LRRC74A: variants seen among roughly 807,000 people sequenced by gnomAD.
LRRC74A encodes leucine rich repeat containing 74A.
A neutral mutation model predicts 57.9 loss-of-function variants in LRRC74A; 44 were observed. The ratio of observed to expected loss-of-function variants is 0.76; its 90% CI spans 0.60 to 0.98. The LOEUF is 0.98. LRRC74A is among the 50% of genes least tolerant of loss of function. LRRC74A has a pLI of 0.00. For synonymous variants in LRRC74A, 211 were observed against 219.4 expected (o/e 0.96, Z 0.34); for missense variants, 572 against 574.0 (o/e 1.00, Z 0.04).
At chr14:76,849,512 C>T (rs766739075) in intron 7 of LRRC74A, among the ~76,000 whole-genome samples, 21 of 151,860 alleles carry the variant, frequency 1.4e-4, no homozygotes, top group African/African-American at 3.9e-4. Context: ...TTTAAAAACA[C>T]TTACTATTGC....
At chr14:76,864,039 C>T (rs1184261454) in intron 11 of LRRC74A, among the ~76,000 whole-genome samples, 1 of 152,228 alleles carries the variant, frequency 6.6e-6, no homozygotes, top group East Asian at 1.9e-4. Flanking sequence ...TCGCTTTCAG[C>T]TTTCCAGGCT....
At chr14:76,838,504 A>G (rs1044343145) in intron 5 of LRRC74A, among the ~76,000 whole-genome samples, 2 of 152,202 alleles carry the variant, frequency 1.3e-5, no homozygotes, top group African/African-American at 4.8e-5. Flanking sequence ...AGACAAAGAC[A>G]TAGAGAATAT....
intron 7 of LRRC74A, among the ~76,000 whole-genome samples, chr14:76,847,955 C>T (rs1299690026): frequency 1.3e-5 from 2 of 152,058 alleles, no homozygotes; most frequent in Non-Finnish European, 1.5e-5. Context: ...GGGTGGATCA[C>T]CTGAGGTCAG....
intron 9 of LRRC74A, 41 bp from the exon 10 acceptor site, chr14:76,857,339 T>G: frequency 7.4e-7 from 1 of 1,343,984 alleles, no homozygotes; most frequent in Non-Finnish European, 1.0e-6. Flanking sequence ...CAGCCTCTCC[T>G]CCCATCTCAG....
chr14:76,864,646 A>C (rs1425222445), intron 11 of LRRC74A, among the ~76,000 whole-genome samples: 1 of 152,092 alleles, frequency 6.6e-6, no homozygotes, highest in Non-Finnish European at 1.5e-5. Flanking sequence ...TTGAGGTCAG[A>C]AGTTCAAGAC....
chr14:76,852,570 T>C, intron 8 of LRRC74A, 120 bp downstream of exon 8: 1 of 611,690 alleles, frequency 1.6e-6, no homozygotes, highest in Non-Finnish European at 2.7e-6. Context: ...TGGGCTCTCA[T>C]CAAATACTTT....
intron 13 of LRRC74A, among the ~76,000 whole-genome samples, chr14:76,869,553 C>T (rs1396622645): frequency 2.0e-5 from 3 of 152,048 alleles, no homozygotes; most frequent in Admixed American, 6.6e-5. Flanking sequence ...GAGTTCAAGA[C>T]CAGCCTGGCC....
At chr14:76,831,507 G>A (rs1895971324) in intron 3 of LRRC74A, 132 bp downstream of exon 3, 1 of 966,522 alleles carries the variant, frequency 1.0e-6, no homozygotes, top group Admixed American at 2.6e-5. Context: ...ACACTGCCCT[G>A]GGCTCTGCTT....
At chr14:76,852,344 C>T (rs1221144861) in intron 7 of LRRC74A, 21 bp from the exon 8 acceptor site, 4 of 1,578,952 alleles carry the variant, frequency 2.5e-6, no homozygotes, top group East Asian at 2.2e-5. Context: ...AGATGCTAAG[C>T]CGATTCCCTC....
Position 76,853,152 on chromosome 14 carries a change from C to T in LRRC74A, c.763-64C>T, listed in dbSNP as rs1271076076. On this transcript the variant is annotated intron_variant, in intron 8 of 13. Coordinates refer to ENST00000689127, the MANE Select transcript of LRRC74A (RefSeq NM_001385106.1). ...TGCCAACAGGGGGTAGAAATCGGGA[C>T]CCTTTTGGTTGGATGAGTCACGCGT... 23 of 1,468,502 alleles carry T rather than the reference C, an allele frequency of 1.6e-5. No homozygotes were observed. In the East Asian group the frequency reaches 4.3e-4, roughly 28 times the overall value. The allele number at this position is 1,468,502 out of a possible 1,614,324, so 91.0% of individuals were successfully genotyped here.
chr14:76,853,090 C>T, intron 8 of LRRC74A, 126 bp from the exon 9 acceptor site: 1 of 789,326 alleles, frequency 1.3e-6, no homozygotes, highest in Non-Finnish European at 2.1e-6. Context: ...TCTGGCAGAC[C>T]CATCAGTCCT....
rs1157758416 is a variant in LRRC74A at position 76,870,138 on chromosome 14, A to G, written c.1405A>G (p.Met469Val). ...CTTTCGTACCAGTTTCTTGAACACG[A>G]TGAAGCCATAGCAACAAGTCTGGTC... ...GMVNFSFLNT[M>V]KP The change falls in exon 14 of 14, where the codon ATG (methionine) becomes GTG (valine). Residue 469 changes from methionine (M) to valine (V), a missense_variant. By Grantham distance (21) the Met-to-Val change is conservative. Coordinates refer to ENST00000689127, the MANE Select transcript of LRRC74A (RefSeq NM_001385106.1). 2 of 1,611,736 alleles carry G rather than the reference A, an allele frequency of 1.2e-6. No individual in the cohort carries two copies. The highest frequency in any genetic ancestry group is 2.2e-5 in the South Asian group (2 of 90,386).
intron 7 of LRRC74A, among the ~76,000 whole-genome samples, chr14:76,847,978 A>C (rs927704953): frequency 6.6e-6 from 1 of 152,100 alleles, no homozygotes. Flanking sequence ...GTTCCAGACC[A>C]GCCTGGCCAA....
At chr14:76,863,399 C>A (rs181689045) in intron 11 of LRRC74A, among the ~76,000 whole-genome samples, 72 of 152,300 alleles carry the variant, frequency 4.7e-4, no homozygotes, top group Non-Finnish European at 5.9e-5. Context: ...CTCTTTGCAT[C>A]AGCTCTCCCT....
chr14:76,850,861 A>AAAAAG (rs773711469), intron 7 of LRRC74A, among the ~76,000 whole-genome samples: 30,383 of 90,558 alleles, frequency 0.34, 4,232 homozygotes, highest in East Asian at 0.45. Context: ...AAAAAAAAAA[A>AAAAAG]AAAGAAAGAA....
Position 76,828,307 on chromosome 14 carries a change from G to A in LRRC74A, c.54G>A (p.Glu18=), listed in dbSNP as rs1250873935. 6.3e-7 allele frequency: 1 copy of A among 1,597,844 alleles called. No individual in the cohort carries two copies. Among genetic ancestry groups the A allele is most frequent in the East Asian group, 2.2e-5 (1 of 44,468 alleles). Residue 18 remains glutamate (E), a synonymous_variant, in exon 2 of 14, where the codon GAG becomes GAA. Transcript: ENST00000689127. ...TTCTTCCAGATGAGATTGAAATTGAGCCAGTACGACAGAGCAGCGATAAAA... is the reference window on the plus strand; with the variant it reads ...TTCTTCCAGATGAGATTGAAATTGAACCAGTACGACAGAGCAGCGATAAAA... ...QPETEDEIEI[E]PVRQSSDKML... is the part of the protein sequence containing the mutation.
intron 11 of LRRC74A, 32 bp downstream of exon 11, chr14:76,860,871 G>A (rs1898249673): frequency 6.5e-7 from 1 of 1,532,652 alleles, no homozygotes; most frequent in South Asian, 1.2e-5. Context: ...AGGGCCTCCA[G>A]GGAGCCCTGG....
intron 9 of LRRC74A, among the ~76,000 whole-genome samples, chr14:76,854,481 C>A (rs1044655584): frequency 6.6e-6 from 1 of 152,292 alleles, no homozygotes; most frequent in African/African-American, 2.4e-5. Flanking sequence ...ATTGTGCATG[C>A]CTGTAATCCC....
In LRRC74A at chr14:76,851,648, G is replaced by A. The variant is rs80307305; in HGVS notation, c.677-717G>A. 7.6e-3 allele frequency among the ~76,000 whole-genome samples: 1,139 copies of A among 150,498 alleles called. 17 individuals carry two copies. The highest frequency in any genetic ancestry group is 0.029 in the East Asian group (145 of 5,062). On this transcript the variant is annotated intron_variant, in intron 7 of 13. Coordinates refer to ENST00000689127, the MANE Select transcript of LRRC74A (RefSeq NM_001385106.1). ...GCTGGGATTACAGGTGTGAGCCACC[G>A]TGCCTGGCCAAATAATTCTCACTTT...
Sources: allele counts gnomAD v4.1 joint callset (sites outside exome capture counted in the v4.1 genomes callset), GRCh38; gene constraint gnomAD v4.1.1; transcripts MANE v1.5; gene names NCBI Gene and HGNC (gene_info 2026-07-23, HGNC 2026-07-21).